The following RTTN variants were observed in gnomAD, a reference collection of about 807,000 sequenced individuals.
RTTN encodes rotatin.
In RTTN, 182 loss-of-function variants were observed where a neutral mutation model predicts 269.2. That is an observed-to-expected ratio of 0.68 (90% CI 0.60 to 0.76). The LOEUF (loss-of-function observed/expected upper bound fraction) is 0.76, where lower values mean the gene tolerates loss of function less well. Among genes scored for constraint, RTTN ranks in the 30% least tolerant of loss-of-function variants. The pLI, the probability that RTTN is intolerant of heterozygous loss-of-function variation, is 0.00. For missense variants in RTTN, 2,545 were observed against 2,608.6 expected (o/e 0.98, Z 0.53); for synonymous variants, 1,006 against 963.5 (o/e 1.04, Z -0.82).
At chr18:70,153,494 T>C (rs1488526454) in intron 14 of RTTN, among the ~76,000 whole-genome samples, 1 of 152,178 alleles carries the variant, frequency 6.6e-6, no homozygotes, top group African/African-American at 2.4e-5. Context: ...GTAGGTAACA[T>C]GGAAGTGGTG....
intron 28 of RTTN, among the ~76,000 whole-genome samples, chr18:70,107,571 C>A (rs1356212601): frequency 6.6e-6 from 1 of 152,070 alleles, no homozygotes; most frequent in East Asian, 1.9e-4. Flanking sequence ...AGGATTAGAG[C>A]TAAAAACACA....
intron 35 of RTTN, among the ~76,000 whole-genome samples, chr18:70,060,578 A>C (rs2057954161): frequency 6.6e-6 from 1 of 152,196 alleles, no homozygotes; most frequent in South Asian, 2.1e-4. Flanking sequence ...GACATCCATC[A>C]CCTCAAACAT....
intron 32 of RTTN, among the ~76,000 whole-genome samples, chr18:70,086,229 G>C (rs985386736): frequency 2.6e-5 from 4 of 152,054 alleles, no homozygotes; most frequent in African/African-American, 9.7e-5. Context: ...TCAAAGCAAA[G>C]GCGTACCACT....
intron 25 of RTTN, among the ~76,000 whole-genome samples, chr18:70,125,072 CAT>C (rs373969524): frequency 7.8e-4 from 118 of 152,054 alleles, no homozygotes; most frequent in African/African-American, 2.5e-3. Flanking sequence ...TTAGCATACA[CAT>C]ATAAAAACAT....
chr18:70,070,418 AT>A (rs1307628809), intron 34 of RTTN, among the ~76,000 whole-genome samples: 1 of 152,238 alleles, frequency 6.6e-6, no homozygotes, highest in Non-Finnish European at 1.5e-5. Flanking sequence ...AGGTATTTGT[AT>A]GTCCTATCAG....
chr18:70,081,292 AAC>A (rs1370707390), intron 32 of RTTN, among the ~76,000 whole-genome samples: 1 of 150,164 alleles, frequency 6.7e-6, no homozygotes, highest in Non-Finnish European at 1.5e-5. Flanking sequence ...CATGTAATCA[AAC>A]ACCACCTGTT....
chr18:70,106,336 C>T (rs1462885232), intron 28 of RTTN, among the ~76,000 whole-genome samples: 1 of 151,964 alleles, frequency 6.6e-6, no homozygotes. Context: ...CACGGTAAAC[C>T]CTGTCTCAAA....
chr18:70,055,050 T>A (rs933943156), intron 37 of RTTN, among the ~76,000 whole-genome samples: 3 of 152,314 alleles, frequency 2.0e-5, no homozygotes, highest in Admixed American at 6.5e-5. Context: ...ATAAAATTAC[T>A]ATTATTAATT....
At chr18:70,113,495 A>G (rs2059527059) in intron 27 of RTTN, among the ~76,000 whole-genome samples, 1 of 152,186 alleles carries the variant, frequency 6.6e-6, no homozygotes, top group Non-Finnish European at 1.5e-5. Context: ...AAAGTCAAAC[A>G]TAGAGTTACC....
chr18:70,064,071 C>T (rs1288340216), intron 35 of RTTN, among the ~76,000 whole-genome samples: 2 of 148,724 alleles, frequency 1.3e-5, no homozygotes, highest in Admixed American at 1.4e-4. Flanking sequence ...GGCATGGTGG[C>T]TCATGTCTGT....
chr18:70,072,509 T>C (rs925386277), intron 34 of RTTN, among the ~76,000 whole-genome samples: 1 of 152,118 alleles, frequency 6.6e-6, no homozygotes, highest in Non-Finnish European at 1.5e-5. Context: ...GATTAAATGT[T>C]ATTACAAAAT....
intron 4 of RTTN, among the ~76,000 whole-genome samples, chr18:70,200,387 T>C (rs2061917531): frequency 6.6e-6 from 1 of 152,168 alleles, no homozygotes; most frequent in Admixed American, 6.5e-5. Flanking sequence ...GCAACTCACA[T>C]AAAAGTGTAA....
chr18:70,108,887 T>C (rs2059390845), intron 28 of RTTN, among the ~76,000 whole-genome samples: 1 of 151,694 alleles, frequency 6.6e-6, no homozygotes, highest in African/African-American at 2.4e-5. Flanking sequence ...ATAAACAGCA[T>C]ACTGAAGGGT....
chr18:70,115,387 A>C (rs1283528130), intron 26 of RTTN, among the ~76,000 whole-genome samples: 1 of 151,898 alleles, frequency 6.6e-6, no homozygotes, highest in Non-Finnish European at 1.5e-5. Context: ...TCCCAACTAA[A>C]AAAAAAATAG....
intron 14 of RTTN, among the ~76,000 whole-genome samples, chr18:70,155,266 T>C (rs2060643869): frequency 6.6e-6 from 1 of 151,954 alleles, no homozygotes; most frequent in African/African-American, 2.4e-5. Context: ...GAAACAAATA[T>C]ACAACCACCA....
chr18:70,031,450 T>G, intron 40 of RTTN: 3 of 398,072 alleles, frequency 7.5e-6, no homozygotes, highest in Non-Finnish European at 1.3e-5. Flanking sequence ...CATCTTTCGT[T>G]TCTATGGTAA....
At chr18:70,074,890 C>A (rs2058387084) in intron 33 of RTTN, 1 of 151,364 alleles carries the variant, frequency 6.6e-6, no homozygotes, top group African/African-American at 2.4e-5. Context: ...GATACATGAG[C>A]AAAATGAATT....
At position 70,048,005 on chromosome 18, in the gene RTTN, T is replaced by C. The variant is rs201542181; in HGVS notation, c.5507A>G (p.Lys1836Arg). 6.8e-5 allele frequency: 110 copies of C among 1,614,008 alleles called. No homozygotes were observed. Among genetic ancestry groups the C allele is most frequent in the Admixed American group, 6.2e-4 (37 of 59,992 alleles). The change falls in exon 40 of 49, where the codon AAA (lysine) becomes AGA (arginine). Residue 1836 changes from lysine (K) to arginine (R), a missense_variant. Lys to Arg is a conservative substitution (Grantham distance 26). Coordinates refer to ENST00000640769, the MANE Select transcript of RTTN (RefSeq NM_173630.4). ...SLLDDSQENQKSLEQLSDVIL... is the reference protein window; with the variant it reads ...SLLDDSQENQRSLEQLSDVIL... ...TACATCACTAAGTTGTTCTAGAGAT[T>C]TCTGATTTTCCTGAGAGTCATCAAG...
chr18:70,051,382 C>T (rs762574586), intron 39 of RTTN, 29 bp downstream of exon 39: 6 of 1,578,572 alleles, frequency 3.8e-6, no homozygotes, highest in Non-Finnish European at 5.1e-6. Context: ...TAGCAGAAAG[C>T]CCCCAAGATT....
Sources: gnomAD v4.1 joint callset for allele counts (sites outside exome capture counted in the v4.1 genomes callset) on GRCh38, gnomAD v4.1.1 for gene constraint, MANE v1.5 for transcripts, NCBI Gene and HGNC (gene_info 2026-07-23, HGNC 2026-07-21) for gene names.